The following PIK3C2A variants were observed in gnomAD, a reference collection of about 807,000 sequenced individuals.
PIK3C2A encodes phosphatidylinositol 4-phosphate 3-kinase C2 domain-containing subunit alpha.
Under a neutral mutation model 204.5 loss-of-function variants are expected in PIK3C2A, and 97 were observed. That is an observed-to-expected ratio of 0.47 (90% CI 0.40 to 0.56). PIK3C2A has a LOEUF of 0.56. Ranked by LOEUF, PIK3C2A falls within the 20% of genes least tolerant of loss-of-function variation. PIK3C2A has a pLI of 0.00. For missense variants in PIK3C2A, 1,735 were observed against 1,969.2 expected, an observed-to-expected ratio of 0.88 and a Z score of 2.25; for synonymous variants, 653 against 664.4, an observed-to-expected ratio of 0.98 and a Z score of 0.26.
At chr11:17,129,788 C>T (rs1210824000) in intron 12 of PIK3C2A, among the ~76,000 whole-genome samples, 1 of 152,108 alleles carries the variant, frequency 6.6e-6, no homozygotes, top group East Asian at 1.9e-4. Flanking sequence ...GACGGGGTTT[C>T]ACCATGTTGG....
intron 2 of PIK3C2A, among the ~76,000 whole-genome samples, chr11:17,156,642 A>G (rs1240263367): frequency 2.0e-5 from 3 of 152,182 alleles, no homozygotes; most frequent in African/African-American, 7.2e-5. Flanking sequence ...CTCAGCACAC[A>G]AGATGATTCT....
intron 6 of PIK3C2A, among the ~76,000 whole-genome samples, 171 bp downstream of exon 6, chr11:17,147,346 C>T (rs965874718): frequency 4.1e-4 from 63 of 152,170 alleles, no homozygotes; most frequent in African/African-American, 1.4e-3. Context: ...TTACCTAAAC[C>T]TCCATGATTG....
chr11:17,147,264 A>G (rs1850272577), intron 6 of PIK3C2A, among the ~76,000 whole-genome samples: 1 of 152,126 alleles, frequency 6.6e-6, no homozygotes, highest in Non-Finnish European at 1.5e-5. Context: ...ACTCTTGTAT[A>G]AAGCTATTAC....
At chr11:17,139,857 T>C (rs993038707) in intron 8 of PIK3C2A, among the ~76,000 whole-genome samples, 4 of 152,190 alleles carry the variant, frequency 2.6e-5, no homozygotes, top group Non-Finnish European at 2.9e-5. Context: ...GACTAAACTC[T>C]TCTCTGCTTC....
chr11:17,111,882 C>CAAAAAAA (rs201931743), intron 21 of PIK3C2A, among the ~76,000 whole-genome samples: 2 of 31,412 alleles, frequency 6.4e-5, no homozygotes, highest in African/African-American at 1.2e-4. Flanking sequence ...GTCTCCAAAA[C>CAAAAAAA]AAAAAAAAAA....
At chr11:17,127,286 A>G (rs1439665232) in intron 13 of PIK3C2A, among the ~76,000 whole-genome samples, 1 of 152,116 alleles carries the variant, frequency 6.6e-6, no homozygotes, top group East Asian at 1.9e-4. Context: ...AAAATAAAGA[A>G]AAATATTTTT....
chr11:17,196,388 G>A (rs968795066), intron 1 of PIK3C2A, among the ~76,000 whole-genome samples: 1 of 152,176 alleles, frequency 6.6e-6, no homozygotes, highest in Non-Finnish European at 1.5e-5. Context: ...GAAACTGGGA[G>A]ACCAATTAAC....
chr11:17,200,460 C>T (rs1195212957), intron 1 of PIK3C2A, among the ~76,000 whole-genome samples: 2 of 151,964 alleles, frequency 1.3e-5, no homozygotes, highest in Non-Finnish European at 2.9e-5. Flanking sequence ...TATTGAATCT[C>T]AAAAGTGTTA....
chr11:17,097,165 C>T lies in PIK3C2A; in HGVS notation c.4218G>A (p.Glu1406=), dbSNP rs1230274847. 1 of 1,611,592 alleles carries T rather than the reference C, an allele frequency of 6.2e-7. No homozygotes were observed. Among genetic ancestry groups the T allele is most frequent in the Non-Finnish European group, 8.5e-7 (1 of 1,177,950 alleles). The part of the protein sequence containing the change: ...LRFSGLPSND[E]PILSFSPKTY... ...TTTTAGGTGAAAATGAAAGGATGGG[C>T]TCATCATTAGAAGGAAGACCAGAAA... The change falls in exon 27 of 33, where the codon GAG becomes GAA. Residue 1406 remains glutamate, a synonymous_variant. Transcript: ENST00000691414.
intron 24 of PIK3C2A, among the ~76,000 whole-genome samples, 196 bp downstream of exon 24, chr11:17,102,466 C>T (rs1239628763): frequency 2.6e-5 from 4 of 152,174 alleles, no homozygotes; most frequent in Admixed American, 2.6e-4. Context: ...AAAACAACAA[C>T]AACAACAACA....
chr11:17,164,733 A>C (rs564017737), intron 2 of PIK3C2A, among the ~76,000 whole-genome samples: 1 of 152,294 alleles, frequency 6.6e-6, no homozygotes, highest in Non-Finnish European at 1.5e-5. Flanking sequence ...TGCTAAAACT[A>C]ATCCTGTTTG....
intron 8 of PIK3C2A, chr11:17,138,311 A>G (rs1849942048): frequency 5.3e-6 from 3 of 562,274 alleles, no homozygotes; most frequent in African/African-American, 2.1e-5. Context: ...GGAAGACGAA[A>G]AACAGCCAGC....
chr11:17,167,316 T>C (rs746356003), intron 2 of PIK3C2A, among the ~76,000 whole-genome samples: 5 of 152,050 alleles, frequency 3.3e-5, no homozygotes, highest in African/African-American at 7.2e-5. Context: ...ACATCCAAAA[T>C]GTTTTTTTTT....
At chr11:17,181,657 T>C (rs373344594) in intron 1 of PIK3C2A, among the ~76,000 whole-genome samples, 92,780 of 109,072 alleles carry the variant, frequency 0.85, 38,388 homozygotes, top group Middle Eastern at 0.93. Context: ...TATATATATA[T>C]ATACACACAC....
chr11:17,145,270 C>G (rs560904939), intron 8 of PIK3C2A, among the ~76,000 whole-genome samples: 5 of 152,144 alleles, frequency 3.3e-5, no homozygotes, highest in Admixed American at 6.5e-5. Context: ...TATGTCCCCC[C>G]CAAATCTCAC....
At chr11:17,102,091 T>C (rs1848653362) in intron 24 of PIK3C2A, among the ~76,000 whole-genome samples, 1 of 152,134 alleles carries the variant, frequency 6.6e-6, no homozygotes, top group African/African-American at 2.4e-5. Context: ...ATCATTTCTT[T>C]CTAAGAGTTA....
At chr11:17,124,268 A>C (rs1849450607) in intron 13 of PIK3C2A, among the ~76,000 whole-genome samples, 1 of 152,176 alleles carries the variant, frequency 6.6e-6, no homozygotes, top group Non-Finnish European at 1.5e-5. Context: ...ATCTCTAAAA[A>C]ATAAAGTTTC....
chr11:17,089,508 T>A lies in PIK3C2A; in HGVS notation c.*230A>T, dbSNP rs955427897. On this transcript the variant is annotated 3_prime_UTR_variant, in exon 33 of 33. Transcript: ENST00000691414. ...TTAGGGTTTGTAGCATTCTACATAA[T>A]GACTTTAAAACAGCAATGGCTTCCA... is the stretch of plus-strand genomic sequence containing the variant. 2 of 444,146 alleles carry A rather than the reference T, an allele frequency of 4.5e-6. No individual in the cohort carries two copies. Among genetic ancestry groups the A allele is most frequent in the African/African-American group, 2.0e-5 (1 of 50,518 alleles). The allele number at this position is 444,146 out of a possible 1,614,324, so 27.5% of individuals were successfully genotyped here. A position where few individuals can be genotyped will look rare whatever the true frequency, so the allele number is the denominator to read the frequency against.
At position 17,188,019 on chromosome 11, in the gene PIK3C2A, A is replaced by C. The variant is rs12283197; in HGVS notation, c.-65-18213T>G. On this transcript the variant is annotated intron_variant, in intron 1 of 32. Transcript: ENST00000691414. ...AATTTTTCATCATTTGCATGTTTTA[A>C]TATCTCAAAATAAAGATGATAAATA... 7.1e-3 allele frequency among the ~76,000 whole-genome samples: 1,076 copies of C among 152,244 alleles called. 21 individuals carry two copies. Among genetic ancestry groups the C allele is most frequent in the African/African-American group, 0.025 (1,027 of 41,540 alleles).
Sources: allele counts gnomAD v4.1 joint callset (sites outside exome capture counted in the v4.1 genomes callset), GRCh38; gene constraint gnomAD v4.1.1; transcripts MANE v1.5; gene names NCBI Gene and HGNC (gene_info 2026-07-23, HGNC 2026-07-21).